The following DNAH9 variants were observed in gnomAD, a reference collection of about 807,000 sequenced individuals.
DNAH9 encodes the protein DNAH9 variant protein.
In DNAH9, 345 loss-of-function variants were observed where a neutral mutation model predicts 471.6. That is an observed-to-expected ratio of 0.73 (90% CI 0.67 to 0.80). The LOEUF (loss-of-function observed/expected upper bound fraction) is 0.80. Ranked by LOEUF, DNAH9 falls within the 30% of genes least tolerant of loss-of-function variation. The probability of loss-of-function intolerance (pLI) is 0.00; values close to 1 mark genes in which losing one functional copy is unlikely to be tolerated. For synonymous variants in DNAH9, 2,093 were observed against 2,123.6 expected, an observed-to-expected ratio of 0.99 and a Z score of 0.40; for missense variants, 5,407 against 5,609.2, an observed-to-expected ratio of 0.96 and a Z score of 1.15.
chr17:11,598,547 G>A lies in DNAH9; in HGVS notation c.49G>A (p.Gly17Arg). Reference protein sequence around the residue: ...RAALAAENADGEPGADRRLRL... With the variant: ...RAALAAENADREPGADRRLRL... Reference sequence around the variant, plus strand: ...CGCGCTCGCGGCGGAGAACGCGGATGGGGAACCCGGCGCCGACCGACGACT... The same window carrying A: ...CGCGCTCGCGGCGGAGAACGCGGATAGGGAACCCGGCGCCGACCGACGACT... Residue 17 changes from glycine (G) to arginine (R), a missense_variant, in exon 1 of 69, where the codon GGG becomes AGG. Physicochemically the swap from Gly to Arg is moderately radical, Grantham distance 125 (BLOSUM62 -2). This residue lies in a region of DNAH9 where 767 missense variants were observed against 692.5 expected (regional missense o/e 1.11). Transcript: ENST00000262442. 7.1e-7 allele frequency: 1 copy of A among 1,409,632 alleles called. No homozygotes were observed. The highest frequency in any genetic ancestry group is 9.2e-7 in the Non-Finnish European group (1 of 1,089,648). 87.3% of individuals were successfully genotyped at this position (1,409,632 alleles called of 1,614,324 possible). A position where few individuals can be genotyped will look rare whatever the true frequency, so the allele number is the denominator to read the frequency against.
At chr17:11,969,274 T>G in intron 68 of DNAH9, 26 bp from the exon 69 acceptor site, 1 of 1,606,002 alleles carries the variant, frequency 6.2e-7, no homozygotes, top group Non-Finnish European at 8.5e-7. Context: ...TGATCTAAGG[T>G]GCCTCTTCTC....
Position 11,640,241 on chromosome 17 carries a change from A to G in DNAH9, c.1787-29A>G, listed in dbSNP as rs542923897. The G allele has an allele frequency of 1.7e-5, 25 of 1,444,152 alleles. No individual in the cohort carries two copies. In the South Asian group the frequency reaches 2.9e-4, roughly 17 times the overall value. The allele number at this position is 1,444,152 out of a possible 1,614,324, so 89.5% of individuals were successfully genotyped here. ...GAGAGGACTGAGGTGCTCTAGACTC[A>G]TTTCGGTCTGTCTGTGCCATGTCTC... On this transcript the variant is annotated intron_variant, in intron 9 of 68. Coordinates refer to ENST00000262442, the MANE Select transcript of DNAH9 (RefSeq NM_001372.4).
intron 28 of DNAH9, among the ~76,000 whole-genome samples, chr17:11,731,066 T>C (rs2075257461): frequency 7.3e-6 from 1 of 137,048 alleles, no homozygotes. Context: ...GTGATGATGA[T>C]GGTGATGATA....
intron 6 of DNAH9, among the ~76,000 whole-genome samples, chr17:11,621,827 A>T (rs554504256): frequency 2.0e-5 from 3 of 152,246 alleles, no homozygotes; most frequent in African/African-American, 7.2e-5. Context: ...CACGCCTGTA[A>T]TCCCAGCACT....
intron 26 of DNAH9, among the ~76,000 whole-genome samples, chr17:11,713,936 GGCGTT>G (rs760743706): frequency 2.0e-5 from 3 of 152,150 alleles, no homozygotes; most frequent in Non-Finnish European, 4.4e-5. Context: ...TGATATGGGT[GGCGTT>G]GCTCTCAGTT....
In DNAH9 at chr17:11,822,523, A is replaced by G. The variant is rs1970344522; in HGVS notation, c.8936A>G (p.His2979Arg). 1 of 1,614,066 alleles carries G rather than the reference A, an allele frequency of 6.2e-7. No homozygotes were observed. Among genetic ancestry groups the G allele is most frequent in the Admixed American group, 1.7e-5 (1 of 60,006 alleles). Residue 2979 changes from histidine to arginine, a missense_variant, in exon 47 of 69, where the codon CAC becomes CGC. His to Arg is a conservative substitution (Grantham distance 29, BLOSUM62 0). Around this residue, in one of 3 missense-constraint regions of DNAH9, gnomAD observed 4,636 missense variants for 4,900.3 expected, o/e 0.95. Transcript: ENST00000262442. ...FPAIVNCTAI[H>R]WFHEWPQQAL... ...GCCATTGTGAACTGCACAGCCATCC[A>G]CTGGTTCCACGAGTGGCCTCAGCAA...
intron 8 of DNAH9, among the ~76,000 whole-genome samples, chr17:11,635,138 A>G (rs1322308176): frequency 6.6e-6 from 1 of 151,962 alleles, no homozygotes; most frequent in East Asian, 1.9e-4. Flanking sequence ...TTTCTGTCAC[A>G]CACTCTTTTT....
rs1211562781 is a variant in DNAH9 at position 11,608,237 on chromosome 17, A to G, written c.526A>G (p.Ile176Val). 6.2e-7 allele frequency: 1 copy of G among 1,614,098 alleles called. No homozygotes were observed. The highest frequency in any genetic ancestry group is 2.2e-5 in the East Asian group (1 of 44,878). The change falls in exon 2 of 69, where the codon ATA becomes GTA. Residue 176 changes from isoleucine (I) to valine (V), a missense_variant. Ile to Val is a conservative substitution (Grantham distance 29, BLOSUM62 3). This residue lies in a region of DNAH9 where 767 missense variants were observed against 692.5 expected (regional missense o/e 1.11). Transcript: ENST00000262442. ...CAGCCTCCAATGTGACCTCTCAGTT[A>G]TACTTGAGCAAGTGAAGGGAAAAAC... is the stretch of plus-strand genomic sequence containing the variant. ...AHSLQCDLSVILEQVKGKTLL... is the reference protein window; with the variant it reads ...AHSLQCDLSVVLEQVKGKTLL...
intron 29 of DNAH9, among the ~76,000 whole-genome samples, chr17:11,739,887 T>A (rs1175285850): frequency 6.6e-6 from 1 of 152,198 alleles, no homozygotes; most frequent in Non-Finnish European, 1.5e-5. Context: ...TGTGGGGTGC[T>A]ATGACAAAAC....
chr17:11,676,615 CCTTT>C (rs2074054883), intron 17 of DNAH9, among the ~76,000 whole-genome samples: 1 of 152,008 alleles, frequency 6.6e-6, no homozygotes, highest in African/African-American at 2.4e-5. Context: ...TTTCTGGTTT[CCTTT>C]CTTCTTGCCG....
At chr17:11,766,935 C>T (rs1031572150) in intron 36 of DNAH9, among the ~76,000 whole-genome samples, 1 of 151,186 alleles carries the variant, frequency 6.6e-6, no homozygotes, top group Non-Finnish European at 1.5e-5. Context: ...CGCCACTGCC[C>T]TCCAGCCTGG....
At chr17:11,707,996 CACACACACACACACACACAGAGAGAGAG>C (rs1459719630) in intron 26 of DNAH9, among the ~76,000 whole-genome samples, 23 of 56,940 alleles carry the variant, frequency 4.0e-4, no homozygotes, top group East Asian at 1.3e-3. Context: ...CACACACACA[CACACACACACACACACACAGAGAGAGAG>C]AGAGAGAGAG....
At chr17:11,955,823 C>T (rs902226182) in intron 67 of DNAH9, among the ~76,000 whole-genome samples, 3 of 152,174 alleles carry the variant, frequency 2.0e-5, no homozygotes, top group African/African-American at 7.2e-5. Context: ...TTAGAGACCC[C>T]AGCACCCAAG....
rs143870273 is a variant in DNAH9 at position 11,802,164 on chromosome 17, G to A, written c.8420+4371G>A. Among the ~76,000 whole-genome samples the A allele has an allele frequency of 7.3e-3, 1,116 of 152,228 alleles. 11 individuals carry two copies. Among genetic ancestry groups the A allele is most frequent in the African/African-American group, 0.024 (1,012 of 41,528 alleles). On this transcript the variant is annotated intron_variant, in intron 43 of 68. Coordinates refer to ENST00000262442, the MANE Select transcript of DNAH9 (RefSeq NM_001372.4). Reference sequence around the variant, plus strand: ...CTTCCCTGGGGCTCATGGACCTCTCGTTGCTGCCTCTACCAACCAATAAAG... The same window carrying A: ...CTTCCCTGGGGCTCATGGACCTCTCATTGCTGCCTCTACCAACCAATAAAG...
At chr17:11,645,360 A>G (rs2073361122) in intron 11 of DNAH9, among the ~76,000 whole-genome samples, 1 of 152,174 alleles carries the variant, frequency 6.6e-6, no homozygotes, top group East Asian at 1.9e-4. Flanking sequence ...AATAACTTCA[A>G]GTCCATCCAC....
chr17:11,898,883 T>C (rs181460514), intron 59 of DNAH9, among the ~76,000 whole-genome samples: 1 of 152,362 alleles, frequency 6.6e-6, no homozygotes, highest in African/African-American at 2.4e-5. Context: ...ATGGATTGTT[T>C]GGTTCGCTTT....
Position 11,669,605 on chromosome 17 carries a change from T to A in DNAH9, c.3164T>A (p.Leu1055His), listed in dbSNP as rs968339790. 3.1e-6 allele frequency: 5 copies of A among 1,614,046 alleles called. No homozygotes were observed. Among genetic ancestry groups the A allele is most frequent in the Non-Finnish European group, 3.4e-6 (4 of 1,180,020 alleles). Residue 1055 changes from leucine to histidine, a missense_variant, in exon 17 of 69, where the codon CTT (leucine) becomes CAT (histidine). By Grantham distance (99) the Leu-to-His change is moderately conservative (BLOSUM62 -3). Around this residue, in one of 3 missense-constraint regions of DNAH9, gnomAD observed 4,636 missense variants for 4,900.3 expected, o/e 0.95. Transcript: ENST00000262442. ...EDGIPENPPLLSQFKVQIDSY... is the reference protein window; with the variant it reads ...EDGIPENPPLHSQFKVQIDSY... ...GGCATCCCAGAGAACCCTCCCCTCC[T>A]TTCTCAGTTTAAAGTGCAAATCGAC...
intron 8 of DNAH9, among the ~76,000 whole-genome samples, chr17:11,635,874 C>T (rs1567679966): frequency 6.6e-6 from 1 of 152,180 alleles, no homozygotes; most frequent in African/African-American, 2.4e-5. Flanking sequence ...GAAACTATTT[C>T]CTTGTTCCCA....
intron 38 of DNAH9, among the ~76,000 whole-genome samples, chr17:11,780,300 G>A (rs1054285224): frequency 7.9e-5 from 12 of 152,228 alleles, no homozygotes; most frequent in African/African-American, 2.9e-4. Flanking sequence ...GAAATTCTCT[G>A]AGGCTGTTTT....
Sources: allele counts gnomAD v4.1 joint callset (sites outside exome capture counted in the v4.1 genomes callset), GRCh38; gene constraint gnomAD v4.1.1; regional missense constraint gnomAD v4.1.1; transcripts MANE v1.5; gene names NCBI Gene and HGNC (gene_info 2026-07-23, HGNC 2026-07-21).